The following TNK1 variants were observed in gnomAD, a reference collection of about 807,000 sequenced individuals.
The protein encoded by TNK1 is non-receptor tyrosine-protein kinase TNK1.
A neutral mutation model predicts 65.2 loss-of-function variants in TNK1; 53 were observed. The observed-to-expected ratio is 0.81, with a 90% confidence interval of 0.65 to 1.02. TNK1 has a LOEUF of 1.02. TNK1 is among the 50% of genes least tolerant of loss of function. The pLI is 0.00. For missense variants in TNK1, 837 were observed against 878.4 expected, an observed-to-expected ratio of 0.95 and a Z score of 0.60; for synonymous variants, 353 against 364.6, an observed-to-expected ratio of 0.97 and a Z score of 0.36.
Position 7,382,397 on chromosome 17 carries a change from A to G in TNK1, c.-91-439A>G, listed in dbSNP as rs886723015. 1.3e-5 allele frequency among the ~76,000 whole-genome samples: 2 copies of G among 152,042 alleles called. No homozygotes were observed. The highest frequency in any genetic ancestry group is 4.8e-5 in the African/African-American group (2 of 41,392). On this transcript the variant is annotated intron_variant, in intron 1 of 12. Coordinates refer to ENST00000688331, the MANE Select transcript of TNK1 (RefSeq NM_003985.6). The surrounding 1 kb of genome is among the most constrained non-coding windows in gnomAD (Gnocchi z 4.1). ...CTTCGTGTGTGTGCGTGCTCTACCTACATGTCTGAGGTATGGTGTGGTTGT... is the reference window on the plus strand; with the variant it reads ...CTTCGTGTGTGTGCGTGCTCTACCTGCATGTCTGAGGTATGGTGTGGTTGT...
intron 10 of TNK1, 123 bp downstream of exon 10, chr17:7,387,580 A>T: frequency 2.5e-6 from 2 of 797,710 alleles, no homozygotes; most frequent in South Asian, 3.6e-5. Context: ...GTCTGCTGGC[A>T]TCCTAGCTAT....
chr17:7,382,913 C>G lies in TNK1; in HGVS notation c.-14C>G. Reference sequence around the variant, plus strand: ...AGGAGAGTGCCATCATCCTTAGGAACTCCTTCTCCAGACATGCTTCCTGAG... The same window carrying G: ...AGGAGAGTGCCATCATCCTTAGGAAGTCCTTCTCCAGACATGCTTCCTGAG... On this transcript the variant is annotated 5_prime_UTR_variant, in exon 2 of 13. Coordinates refer to ENST00000688331, the MANE Select transcript of TNK1 (RefSeq NM_003985.6). This position sits in a 1 kb window ranked among gnomAD's most constrained non-coding sequence, Gnocchi z 4.1. 6.2e-7 allele frequency: 1 copy of G among 1,613,418 alleles called. No individual in the cohort carries two copies. Among genetic ancestry groups the G allele is most frequent in the African/African-American group, 1.3e-5 (1 of 75,044 alleles).
Position 7,384,129 on chromosome 17 carries a change from A to G in TNK1, c.742A>G (p.Thr248Ala), listed in dbSNP as rs1567645659. 1.9e-6 allele frequency: 3 copies of G among 1,548,012 alleles called. No homozygotes were observed. Among genetic ancestry groups the G allele is most frequent in the Non-Finnish European group, 2.6e-6 (3 of 1,154,638 alleles). ...ARGLVHRDLA[T>A]RNLLLASPRT... ...CGGGCTGGTGCACCGAGACCTCGCT[A>G]CGCGCAACCTACTGCTGGCGTCGCC... Residue 248 changes from threonine (T) to alanine (A), a missense_variant, in exon 6 of 13, where the codon ACG (threonine) becomes GCG (alanine). By Grantham distance (58) the Thr-to-Ala change is moderately conservative (BLOSUM62 0). Transcript: ENST00000688331.
rs1285264649 is a variant in TNK1, at chr17:7,382,953, G to C, written c.27G>C (p.Trp9Cys). The change falls in exon 2 of 13, where the codon TGG becomes TGC. Residue 9 changes from tryptophan (W) to cysteine (C), a missense_variant. Transcript: ENST00000688331. This position sits in a 1 kb window ranked among gnomAD's most constrained non-coding sequence, Gnocchi z 4.1. Reference sequence around the variant, plus strand: ...TGCTTCCTGAGGCTGGCTCCCTGTGGCTACTGAAGCTGCTCCGGGACATCC... The same window carrying C: ...TGCTTCCTGAGGCTGGCTCCCTGTGCCTACTGAAGCTGCTCCGGGACATCC... MLPEAGSL[W>C]LLKLLRDIQL... 9.3e-6 allele frequency: 15 copies of C among 1,613,866 alleles called. No homozygotes were observed. The highest frequency in any genetic ancestry group is 1.7e-5 in the Admixed American group (1 of 59,996).
In TNK1 at chr17:7,383,953, G is replaced by A. The variant is rs1905009969; in HGVS notation, c.583-17G>A. 1.3e-6 allele frequency: 2 copies of A among 1,517,244 alleles called. No individual in the cohort carries two copies. Among genetic ancestry groups the A allele is most frequent in the Non-Finnish European group, 1.8e-6 (2 of 1,131,032 alleles). The allele number at this position is 1,517,244 out of a possible 1,614,324, so 94.0% of individuals were successfully genotyped here. A position where few individuals can be genotyped will look rare whatever the true frequency, so the allele number is the denominator to read the frequency against. ...CCAATGGGTCCGGCTCACGCGGCGC[G>A]GTGTTCCCTCCTGCAGGTGATGGAG... On this transcript the variant is annotated splice_polypyrimidine_tract_variant and intron_variant, in intron 5 of 12. Transcript: ENST00000688331.
Position 7,384,032 on chromosome 17 carries a change from C to G in TNK1, c.645C>G (p.Pro215=). Residue 215 remains proline (P), a synonymous_variant, in exon 6 of 13, where the codon CCC becomes CCG. Transcript: ENST00000688331. Reference sequence around the variant, plus strand: ...GCCTAACGGCCCCGGCCCCGACACCCCCGCTGCTCGTGGCCCTGCTCTGCC... The same window carrying G: ...GCCTAACGGCCCCGGCCCCGACACCGCCGCTGCTCGTGGCCCTGCTCTGCC... ...HARLTAPAPT[P]PLLVALLCLF... 6.6e-7 allele frequency: 1 copy of G among 1,515,390 alleles called. No homozygotes were observed. Among genetic ancestry groups the G allele is most frequent in the Non-Finnish European group, 8.8e-7 (1 of 1,136,496 alleles). The allele number at this position is 1,515,390 out of a possible 1,614,324, so 93.9% of individuals were successfully genotyped here. A position where few individuals can be genotyped will look rare whatever the true frequency, so the allele number is the denominator to read the frequency against.
At position 7,382,304 on chromosome 17, in the gene TNK1, G is replaced by A. The variant is rs1324796277; in HGVS notation, c.-91-532G>A. Among the ~76,000 whole-genome samples, 6 of 151,002 alleles carry A rather than the reference G, an allele frequency of 4.0e-5. No homozygotes were observed. The highest frequency in any genetic ancestry group is 5.9e-5 in the Non-Finnish European group (4 of 67,910). On this transcript the variant is annotated intron_variant, in intron 1 of 12. Transcript: ENST00000688331. This position sits in a 1 kb window ranked among gnomAD's most constrained non-coding sequence, Gnocchi z 4.1. Reference sequence around the variant, plus strand: ...AAGAGGACATGTATTTGGGAGTCTCGGCCATGTTTTGCAGTATATCTGTAG... The same window carrying A: ...AAGAGGACATGTATTTGGGAGTCTCAGCCATGTTTTGCAGTATATCTGTAG...
rs554221186 is a variant in TNK1, at chr17:7,382,761, G to A, written c.-91-75G>A. 8.4e-6 allele frequency: 6 copies of A among 711,274 alleles called. No homozygotes were observed. In the East Asian group the frequency reaches 1.6e-4, roughly 19 times the overall value. The allele number at this position is 711,274 out of a possible 1,614,324, so 44.1% of individuals were successfully genotyped here. A position where few individuals can be genotyped will look rare whatever the true frequency, so the allele number is the denominator to read the frequency against. On this transcript the variant is annotated intron_variant, in intron 1 of 12. Transcript: ENST00000688331. The surrounding 1 kb of genome is among the most constrained non-coding windows in gnomAD (Gnocchi z 4.1). ...GGAACATTCTATCTGGGATTTGTGT[G>A]CGTGAGTGGCAGGGATCCTGGCTGT...
chr17:7,385,714 G>GCTCA (rs1905148670), intron 7 of TNK1, among the ~76,000 whole-genome samples: 1 of 152,014 alleles, frequency 6.6e-6, no homozygotes. Flanking sequence ...ACAGGCGCCT[G>GCTCA]CCACCACGCC....
In TNK1 at chr17:7,383,533, G is replaced by A. The variant is rs769244750; in HGVS notation, c.343G>A (p.Ala115Thr). 3.1e-6 allele frequency: 5 copies of A among 1,613,636 alleles called. No homozygotes were observed. In the Admixed American group the frequency reaches 6.7e-5, roughly 22 times the overall value. ...CCTCAAGTGTCTGATCCCAGAGGGT[G>A]CTGTTTGCAGAGGGGAGCTGCTGGG... Reference protein sequence around the residue: ...GGLKCLIPEGAVCRGELLGSG... With the variant: ...GGLKCLIPEGTVCRGELLGSG... The change falls in exon 4 of 13, where the codon GCT becomes ACT. Residue 115 changes from alanine to threonine, a missense_variant. Transcript: ENST00000688331.
Position 7,388,989 on chromosome 17 carries a change from C to A in TNK1, c.1891C>A (p.Leu631Met). Residue 631 changes from leucine (L) to methionine (M), a missense_variant, in exon 13 of 13, where the codon CTG (leucine) becomes ATG (methionine). By Grantham distance (15) the Leu-to-Met change is conservative (BLOSUM62 2). Transcript: ENST00000688331. The surrounding 1 kb of genome is among the most constrained non-coding windows in gnomAD (Gnocchi z 4.5). Reference protein sequence around the residue: ...RNLKVDQLFHLSSRSRADCWR... With the variant: ...RNLKVDQLFHMSSRSRADCWR... ...TCCACAGGTAGATCAGCTCTTCCAC[C>A]TGAGTAGCCGGTCCAGAGCTGACTG... The A allele has an allele frequency of 6.4e-7, 1 of 1,554,308 alleles. No individual in the cohort carries two copies. The highest frequency in any genetic ancestry group is 8.7e-7 in the Non-Finnish European group (1 of 1,148,444).
Position 7,383,992 on chromosome 17 carries a change from G to T in TNK1, c.605G>T (p.Gly202Val). 6.7e-7 allele frequency: 1 copy of T among 1,496,294 alleles called. No homozygotes were observed. Among genetic ancestry groups the T allele is most frequent in the Non-Finnish European group, 8.9e-7 (1 of 1,125,936 alleles). 92.7% of individuals were successfully genotyped at this position (1,496,294 alleles called of 1,614,324 possible). ...LQMVMELAPL[G>V]SLHARLTAPA... Reference sequence around the variant, plus strand: ...CAGGTGATGGAGCTGGCGCCACTGGGCTCCCTGCACGCGCGCCTAACGGCC... The same window carrying T: ...CAGGTGATGGAGCTGGCGCCACTGGTCTCCCTGCACGCGCGCCTAACGGCC... Residue 202 changes from glycine (G) to valine (V), a missense_variant, in exon 6 of 13, where the codon GGC (glycine) becomes GTC (valine). Gly to Val is a moderately radical substitution (Grantham distance 109, BLOSUM62 -3). Coordinates refer to ENST00000688331, the MANE Select transcript of TNK1 (RefSeq NM_003985.6).
Position 7,387,117 on chromosome 17 carries a change from C to A in TNK1, c.1360C>A (p.Pro454Thr). The change falls in exon 9 of 13, where the codon CCT becomes ACT. Residue 454 changes from proline (P) to threonine (T), a missense_variant. Pro to Thr is a conservative substitution (Grantham distance 38, BLOSUM62 -1). Coordinates refer to ENST00000688331, the MANE Select transcript of TNK1 (RefSeq NM_003985.6). ...CACCCGTCCAGTCCACAGAGGCACC[C>A]CTGCCCGGGGAGATCAACACCCAGG... Reference protein sequence around the residue: ...PATRPVHRGTPARGDQHPGSI... With the variant: ...PATRPVHRGTTARGDQHPGSI... The A allele has an allele frequency of 6.2e-7, 1 of 1,603,080 alleles. No homozygotes were observed. Among genetic ancestry groups the A allele is most frequent in the Non-Finnish European group, 8.5e-7 (1 of 1,174,022 alleles).
chr17:7,383,654 G>T, intron 4 of TNK1, 38 bp downstream of exon 4: 1 of 1,596,510 alleles, frequency 6.3e-7, no homozygotes, highest in Non-Finnish European at 8.5e-7. Context: ...CAGGCCAGCT[G>T]CCCCCTCTGT....
In TNK1 at chr17:7,384,077, G is replaced by A; in HGVS notation, c.690G>A (p.Ala230=). The part of the protein sequence containing the change: ...ALLCLFLRQL[A]GAMAYLGARG... ...TCTGCCTCTTCCTGCGGCAGCTGGC[G>A]GGAGCCATGGCGTACCTGGGGGCCC... is the stretch of plus-strand genomic sequence containing the variant. The change falls in exon 6 of 13, where the codon GCG becomes GCA. Residue 230 remains alanine, a synonymous_variant. Transcript: ENST00000688331. 1.3e-6 allele frequency: 2 copies of A among 1,539,862 alleles called. No homozygotes were observed. Among genetic ancestry groups the A allele is most frequent in the African/African-American group, 1.4e-5 (1 of 72,798 alleles).
chr17:7,385,525 C>T (rs959299463), intron 7 of TNK1, among the ~76,000 whole-genome samples: 5 of 152,078 alleles, frequency 3.3e-5, no homozygotes, highest in Non-Finnish European at 5.9e-5. Flanking sequence ...TATGCAGATT[C>T]GCTCATTTAA....
At chr17:7,386,902 C>T (rs1905207990) in intron 8 of TNK1, 88 bp from the exon 9 acceptor site, 2 of 1,446,764 alleles carry the variant, frequency 1.4e-6, no homozygotes, top group African/African-American at 2.9e-5. Flanking sequence ...CTCCAAGGCA[C>T]ATAGCCTAGT....
chr17:7,386,635 C>T lies in TNK1; in HGVS notation c.1212C>T (p.Pro404=). ...CCCTGAGGATGGAGACTGGTGACCC[C>T]ATCACAGTCATCGAGGGCAGGTGAC... The part of the protein sequence containing the change: ...PGALRMETGD[P]ITVIEGSPDS... The change falls in exon 8 of 13, where the codon CCC becomes CCT. Residue 404 remains proline (P), a synonymous_variant. Coordinates refer to ENST00000688331, the MANE Select transcript of TNK1 (RefSeq NM_003985.6). 3.8e-6 allele frequency: 6 copies of T among 1,594,244 alleles called. No individual in the cohort carries two copies. In the South Asian group the frequency reaches 4.6e-5, roughly 12 times the overall value.
intron 7 of TNK1, among the ~76,000 whole-genome samples, chr17:7,385,782 T>C (rs564107645): frequency 2.0e-5 from 3 of 152,200 alleles, no homozygotes; most frequent in Non-Finnish European, 4.4e-5. Context: ...CCAGGCTGGT[T>C]TCGAACTCCT....
Sources: allele counts gnomAD v4.1 joint callset (sites outside exome capture counted in the v4.1 genomes callset), GRCh38; gene constraint gnomAD v4.1.1; non-coding constraint Gnocchi (gnomAD v3.1); transcripts MANE v1.5; gene names NCBI Gene and HGNC (gene_info 2026-07-23, HGNC 2026-07-21).